Variants in HK1 observed in about 807,000 individuals in gnomAD.
The protein encoded by HK1 is hexokinase 1.
HK1 carries 28 observed loss-of-function variants against 91.6 expected under a neutral mutation model. That is an observed-to-expected ratio of 0.31 (90% CI 0.23 to 0.42). The LOEUF is 0.42. Ranked by LOEUF, HK1 falls within the 10% of genes least tolerant of loss-of-function variation. The probability of loss-of-function intolerance (pLI) is 1.00; values close to 1 mark genes in which losing one functional copy is unlikely to be tolerated. For synonymous variants in HK1, 430 were observed against 468.1 expected (o/e 0.92, Z 1.05); for missense variants, 770 against 1,219.8 (o/e 0.63, Z 5.49).
intron 8 of HK1, among the ~76,000 whole-genome samples, chr10:69,379,517 C>G (rs1839280070): frequency 6.6e-6 from 1 of 152,230 alleles, no homozygotes; most frequent in African/African-American, 2.4e-5. Flanking sequence ...AACTCACAGA[C>G]CCCACGAGTG....
intron 5 of HK1, among the ~76,000 whole-genome samples, chr10:69,304,894 G>A (rs1464921188): frequency 6.6e-6 from 1 of 152,126 alleles, no homozygotes; most frequent in African/African-American, 2.4e-5. Context: ...TCTTCTGAGA[G>A]GCCTGGAGGC....
chr10:69,286,495 A>G (rs1836839718), intron 2 of HK1, among the ~76,000 whole-genome samples: 1 of 152,228 alleles, frequency 6.6e-6, no homozygotes, highest in African/African-American at 2.4e-5. Context: ...CGCTGTCTCA[A>G]AAACAAGCAA....
intron 1 of HK1, among the ~76,000 whole-genome samples, chr10:69,333,611 G>A (rs978619526): frequency 6.6e-6 from 1 of 152,102 alleles, no homozygotes; most frequent in African/African-American, 2.4e-5. Context: ...GGGGGCCAAG[G>A]GAAGGGGAGC....
chr10:69,393,287 G>A (rs1050932360), intron 15 of HK1, among the ~76,000 whole-genome samples: 3 of 150,300 alleles, frequency 2.0e-5, no homozygotes, highest in Non-Finnish European at 4.4e-5. Context: ...AGCCCTTATA[G>A]TCTTTTTCTT....
chr10:69,382,418 A>AG (rs1353701223), intron 9 of HK1, 69 bp from the exon 10 acceptor site: 8 of 1,469,596 alleles, frequency 5.4e-6, no homozygotes, highest in African/African-American at 1.4e-5. Context: ...GGAGAAAGAA[A>AG]GGGTGGCCGG....
chr10:69,280,398 T>G (rs749371033), intron 1 of HK1, among the ~76,000 whole-genome samples: 26 of 152,224 alleles, frequency 1.7e-4, no homozygotes, highest in Admixed American at 8.5e-4. Flanking sequence ...ATTACAGGCG[T>G]GAGCCACCAC....
intron 9 of HK1, among the ~76,000 whole-genome samples, chr10:69,382,033 T>C (rs1402263544): frequency 6.6e-6 from 1 of 152,266 alleles, no homozygotes; most frequent in Non-Finnish European, 1.5e-5. Flanking sequence ...TTTACCTCTC[T>C]GCATTTGCTA....
At chr10:69,367,740 C>T (rs1427791883) in intron 4 of HK1, among the ~76,000 whole-genome samples, 1 of 152,110 alleles carries the variant, frequency 6.6e-6, no homozygotes, top group Non-Finnish European at 1.5e-5. Flanking sequence ...TCTTCCAACC[C>T]TGCTGCATTT....
In HK1 at chr10:69,323,459, G is replaced by A. The variant is rs148840732; in HGVS notation, c.63+4449G>A. Among the ~76,000 whole-genome samples the A allele has an allele frequency of 2.0e-3, 294 of 147,824 alleles. 1 individual carries two copies. Among genetic ancestry groups the A allele is most frequent in the African/African-American group, 6.8e-3 (272 of 39,800 alleles). On this transcript the variant is annotated intron_variant, in intron 1 of 17. Coordinates refer to ENST00000359426, the MANE Select transcript of HK1 (RefSeq NM_000188.3). ...CAAAAGATTGATCCCAAAACAGTGA[G>A]CTGTGATGCTATGATTGTGTTACCG... is the stretch of plus-strand genomic sequence containing the variant.
chr10:69,341,316 C>T (rs146407059), intron 1 of HK1, among the ~76,000 whole-genome samples: 241 of 152,034 alleles, frequency 1.6e-3, no homozygotes, highest in African/African-American at 5.7e-3. Flanking sequence ...GGCGTATCAC[C>T]ACGCCTGGCT....
At chr10:69,368,384 T>C (rs1292615620) in intron 4 of HK1, 152 bp from the exon 5 acceptor site, 2 of 694,306 alleles carry the variant, frequency 2.9e-6, no homozygotes, top group Non-Finnish European at 5.2e-6. Flanking sequence ...TGGAAATGAG[T>C]CTGGGCCCCT....
chr10:69,396,091 G>A (rs1283121970), intron 16 of HK1, among the ~76,000 whole-genome samples: 1 of 151,904 alleles, frequency 6.6e-6, no homozygotes, highest in Non-Finnish European at 1.5e-5. Context: ...GGTTAACATG[G>A]CAAGACCCCA....
chr10:69,282,016 T>C (rs1392116888), intron 1 of HK1, among the ~76,000 whole-genome samples: 3 of 152,282 alleles, frequency 2.0e-5, no homozygotes, highest in African/African-American at 7.2e-5. Context: ...AAGCCTCAGC[T>C]ACAGCACCCA....
rs79108461 is a variant in HK1, at chr10:69,295,829, C to T, written c.-67+149C>T. On this transcript the variant is annotated intron_variant, in intron 4 of 21. Coordinates refer to the HK1 transcript ENST00000360289. ...GGTGTGGAGCAGTATTGACCTCCAA[C>T]TTGCTCCCTGCTGGACTCAGTACAC... 1.3e-4 allele frequency: 91 copies of T among 686,212 alleles called. No homozygotes were observed. The East Asian group carries it at 2.4e-3, about 18-fold the overall frequency. The allele number at this position is 686,212 out of a possible 1,614,324, so 42.5% of individuals were successfully genotyped here.
rs1839782969 is a variant in HK1 at position 69,389,183 on chromosome 10, C to T, written c.1936-14C>T. ...TGATCCTATTCCTAAAGCTGTGTCCCTTTCTTTGCAAAGGAATTTGACCTG... is the reference window on the plus strand; with the variant it reads ...TGATCCTATTCCTAAAGCTGTGTCCTTTTCTTTGCAAAGGAATTTGACCTG... On this transcript the variant is annotated splice_polypyrimidine_tract_variant and intron_variant, in intron 13 of 17. Coordinates refer to ENST00000359426, the MANE Select transcript of HK1 (RefSeq NM_000188.3). 6.2e-7 allele frequency: 1 copy of T among 1,607,342 alleles called. No homozygotes were observed. Among genetic ancestry groups the T allele is most frequent in the Non-Finnish European group, 8.5e-7 (1 of 1,174,182 alleles).
At chr10:69,344,697 A>T (rs1460503585) in intron 2 of HK1, among the ~76,000 whole-genome samples, 1 of 152,192 alleles carries the variant, frequency 6.6e-6, no homozygotes, top group Non-Finnish European at 1.5e-5. Flanking sequence ...CAGCCCCTGC[A>T]CCTGGCTGAG....
chr10:69,292,797 A>G (rs542471190), intron 3 of HK1, among the ~76,000 whole-genome samples: 1 of 152,264 alleles, frequency 6.6e-6, no homozygotes, highest in Admixed American at 6.5e-5. Context: ...TGACAATCAG[A>G]ATCCTATGAG....
At chr10:69,320,641 C>T (rs1303066219) in intron 1 of HK1, among the ~76,000 whole-genome samples, 1 of 152,084 alleles carries the variant, frequency 6.6e-6, no homozygotes, top group African/African-American at 2.4e-5. Context: ...AGTTCACTGT[C>T]CTCCTGCACG....
intron 2 of HK1, among the ~76,000 whole-genome samples, chr10:69,354,204 T>G (rs1396414886): frequency 6.6e-6 from 1 of 151,574 alleles, no homozygotes; most frequent in Non-Finnish European, 1.5e-5. Context: ...TACTCTGGTT[T>G]TTCCTCTGTG....
Sources: gnomAD v4.1 joint callset for allele counts (sites outside exome capture counted in the v4.1 genomes callset) on GRCh38, gnomAD v4.1.1 for gene constraint, MANE v1.5 for transcripts, NCBI Gene and HGNC (gene_info 2026-07-23, HGNC 2026-07-21) for gene names.